Variants in MICAL2 observed in about 807,000 individuals in gnomAD.
MICAL2 encodes the protein microtubule associated monooxygenase, calponin and LIM domain containing 2, also known as [F-actin]-monooxygenase MICAL2.
A neutral mutation model predicts 127.3 loss-of-function variants in MICAL2; 77 were observed. The observed-to-expected ratio is 0.60, with a 90% CI of 0.50 to 0.73. The LOEUF (loss-of-function observed/expected upper bound fraction) is 0.73, where lower values mean the gene tolerates loss of function less well. Ranked by LOEUF, MICAL2 falls within the 30% of genes least tolerant of loss-of-function variation. The pLI is 0.00. For missense variants in MICAL2, 1,351 were observed against 1,434.4 expected, an observed-to-expected ratio of 0.94 and a Z score of 0.94; for synonymous variants, 570 against 551.1, an observed-to-expected ratio of 1.03 and a Z score of -0.48.
chr11:12,227,509 T>C (rs1857631421), intron 15 of MICAL2, among the ~76,000 whole-genome samples: 2 of 152,190 alleles, frequency 1.3e-5, no homozygotes, highest in Admixed American at 1.3e-4. Flanking sequence ...CAGAAGTGCA[T>C]GGTGATGATG....
intron 3 of MICAL2, among the ~76,000 whole-genome samples, chr11:12,188,065 T>A (rs1004443638): frequency 6.6e-6 from 1 of 152,178 alleles, no homozygotes; most frequent in East Asian, 1.9e-4. Flanking sequence ...TTTTTGCTGT[T>A]CATTATGGGA....
chr11:12,259,258 A>C (rs1443351710), intron 25 of MICAL2, among the ~76,000 whole-genome samples: 1 of 152,190 alleles, frequency 6.6e-6, no homozygotes, highest in African/African-American at 2.4e-5. Context: ...TTCTATGTGA[A>C]TGTATTTTAA....
chr11:12,178,306 G>T (rs1345301499), intron 3 of MICAL2, among the ~76,000 whole-genome samples: 1 of 152,130 alleles, frequency 6.6e-6, no homozygotes, highest in East Asian at 1.9e-4. Context: ...GTTTGAAGAG[G>T]TTTATTCTGA....
chr11:12,151,385 T>G (rs904511525), intron 2 of MICAL2, among the ~76,000 whole-genome samples: 5 of 152,162 alleles, frequency 3.3e-5, no homozygotes, highest in African/African-American at 1.2e-4. Flanking sequence ...GACATCTTAA[T>G]TCCCATGTGG....
chr11:12,256,636 C>A, intron 23 of MICAL2, 149 bp from the exon 24 acceptor site: 1 of 716,338 alleles, frequency 1.4e-6, no homozygotes, highest in Non-Finnish European at 2.2e-6. Flanking sequence ...TATCTTCCTA[C>A]CCCTCCCTCT....
At chr11:12,230,385 A>C (rs1400097946) in intron 15 of MICAL2, among the ~76,000 whole-genome samples, 2 of 152,180 alleles carry the variant, frequency 1.3e-5, no homozygotes, top group African/African-American at 4.8e-5. Context: ...AGTACAACAA[A>C]ACACGCAACC....
At position 12,342,123 on chromosome 11, in the gene MICAL2, C is replaced by T. The variant is rs757500696; in HGVS notation, c.5516-7715C>T. The stretch of plus-strand genomic sequence containing the variant: ...TTGAAGAGCCAGTTGACAGTGGACC[C>T]AGGCAGAGGGTGAGCGGAAGAAAGG... On this transcript the variant is annotated intron_variant, in intron 32 of 34. Transcript: ENST00000646065. Among the ~76,000 whole-genome samples, 6 of 152,218 alleles carry T rather than the reference C, an allele frequency of 3.9e-5. No homozygotes were observed. The South Asian group carries it at 1.0e-3, about 26-fold the overall frequency.
chr11:12,122,533 C>T (rs542328563), intron 1 of MICAL2, among the ~76,000 whole-genome samples: 8 of 152,276 alleles, frequency 5.3e-5, no homozygotes, highest in Non-Finnish European at 1.0e-4. Context: ...CTCAGCCTCC[C>T]GAGTAGCTGG....
At position 12,213,308 on chromosome 11, in the gene MICAL2, T is replaced by G; in HGVS notation, c.745T>G (p.Phe249Val). 1 of 1,613,764 alleles carries G rather than the reference T, an allele frequency of 6.2e-7. No homozygotes were observed. Among genetic ancestry groups the G allele is most frequent in the Non-Finnish European group, 8.5e-7 (1 of 1,179,666 alleles). The stretch of plus-strand genomic sequence containing the variant: ...GCTGGCGATTGCCATCACCGCCAAC[T>G]TCATAAACAGAAACAGCACAGCGGA... ...GKLAIAITAN[F>V]INRNSTAEAK... The change falls in exon 7 of 28, where the codon TTC (phenylalanine) becomes GTC (valine). Residue 249 changes from phenylalanine to valine, a missense_variant. Around this residue, in one of 2 missense-constraint regions of MICAL2, gnomAD observed 599 missense variants for 714.9 expected, o/e 0.84. Transcript: ENST00000683283.
In MICAL2 at chr11:12,255,522, G is replaced by A. The variant is rs535344894; in HGVS notation, c.2848-121G>A. The stretch of plus-strand genomic sequence containing the variant: ...GCTGGTTTTGCTTCTCCTGGGTCGT[G>A]GGGTGCTATTTGCATGTGGGTGAGG... On this transcript the variant is annotated intron_variant, in intron 22 of 27. Transcript: ENST00000683283. 2.0e-5 allele frequency: 16 copies of A among 796,404 alleles called. No individual in the cohort carries two copies. The East Asian group carries it at 4.3e-4, about 21-fold the overall frequency. The allele number at this position is 796,404 out of a possible 1,614,324, so 49.3% of individuals were successfully genotyped here.
rs538142565 is a variant in MICAL2, at chr11:12,208,105, G to T, written c.555G>T (p.Lys185Asn). ...TCCATGTGAATGTGGAGTTCGTGAA[G>T]GTTCTAGAGCCTCCTGAAGATCAAG... ...VEIHVNVEFV[K>N]VLEPPEDQEN... is the part of the protein sequence containing the mutation. Residue 185 changes from lysine (K) to asparagine (N), a missense_variant, in exon 5 of 28, where the codon AAG becomes AAT. By Grantham distance (94) the Lys-to-Asn change is moderately conservative. This residue lies in a region of MICAL2 where 599 missense variants were observed against 714.9 expected (regional missense o/e 0.84). Transcript: ENST00000683283. The T allele has an allele frequency of 1.2e-6, 2 of 1,613,994 alleles. No homozygotes were observed. Among genetic ancestry groups the T allele is most frequent in the Non-Finnish European group, 1.7e-6 (2 of 1,179,978 alleles).
chr11:12,223,653 A>C (rs902852682), intron 12 of MICAL2, 152 bp downstream of exon 12: 1 of 627,656 alleles, frequency 1.6e-6, no homozygotes, highest in Non-Finnish European at 2.8e-6. Flanking sequence ...TCCTCTTTGT[A>C]CTCCAGTTCC....
intron 29 of MICAL2, among the ~76,000 whole-genome samples, chr11:12,312,097 T>C (rs1437204513): frequency 6.6e-6 from 1 of 151,716 alleles, no homozygotes; most frequent in East Asian, 1.9e-4. Context: ...TCTATGGGAC[T>C]TCTCATCCCT....
At chr11:12,200,700 G>T (rs1056108530) in intron 3 of MICAL2, among the ~76,000 whole-genome samples, 4 of 152,232 alleles carry the variant, frequency 2.6e-5, no homozygotes, top group Non-Finnish European at 5.9e-5. Flanking sequence ...ATGTACTGGG[G>T]CCCAGGATGG....
rs148643796 is a variant in MICAL2 at position 12,301,468 on chromosome 11, G to A, written c.5212+6611G>A. ...AGTGCTGTTAGGAGCACTCTTATAC[G>A]TACGTATTTTTGGTGTACATATGTG... On this transcript the variant is annotated intron_variant, in intron 29 of 34. Coordinates refer to the MICAL2 transcript ENST00000646065. Among the ~76,000 whole-genome samples the A allele has an allele frequency of 2.0e-3, 297 of 152,262 alleles. 3 individuals are homozygous for A. The highest frequency in any genetic ancestry group is 6.5e-3 in the African/African-American group (271 of 41,532).
intron 3 of MICAL2, among the ~76,000 whole-genome samples, chr11:12,180,349 A>ATATATATATATATATATATATATATT (rs11403732): frequency 1.4e-5 from 2 of 139,682 alleles, no homozygotes; most frequent in South Asian, 2.3e-4. Context: ...ATATGTATAT[A>ATATATATATATATATATATATATATT]TTTTTTTTTT....
intron 32 of MICAL2, chr11:12,349,732 A>G: frequency 9.6e-7 from 1 of 1,041,370 alleles, no homozygotes; most frequent in East Asian, 2.5e-5. Flanking sequence ...TGCTGCCTGC[A>G]GAGCCCTTGT....
At chr11:12,230,721 C>CG (rs200348369) in intron 15 of MICAL2, among the ~76,000 whole-genome samples, 159 of 151,912 alleles carry the variant, frequency 1.0e-3, no homozygotes, top group African/African-American at 3.5e-3. Context: ...CTTTCCCCCC[C>CG]CATCTTATTT....
At chr11:12,240,929 C>A (rs2641936) in intron 17 of MICAL2, 111 bp from the exon 18 acceptor site, 1,392,219 of 1,403,360 alleles carry the variant, frequency 0.99, 690,900 homozygotes, top group Non-Finnish European at 1. Flanking sequence ...GCACTTGCAA[C>A]CTTCGTCTCC....
Sources: allele counts gnomAD v4.1 joint callset (sites outside exome capture counted in the v4.1 genomes callset), GRCh38; gene constraint gnomAD v4.1.1; regional missense constraint gnomAD v4.1.1; transcripts MANE v1.5; gene names NCBI Gene and HGNC (gene_info 2026-07-23, HGNC 2026-07-21).